Variants in ANKHD1 observed in about 807,000 individuals in gnomAD.
The protein encoded by ANKHD1 is ankyrin repeat and KH domain-containing protein 1.
Under a neutral mutation model 230.5 loss-of-function variants are expected in ANKHD1, and 31 were observed. That is an observed-to-expected ratio of 0.13 (90% confidence interval 0.10 to 0.18). ANKHD1 has a LOEUF of 0.18. Ranked by LOEUF, ANKHD1 falls within the 10% of genes least tolerant of loss-of-function variation. ANKHD1 has a pLI of 1.00. For missense variants in ANKHD1, 2,256 were observed against 3,071.3 expected (o/e 0.73, Z 6.27); for synonymous variants, 1,074 against 1,117.6 (o/e 0.96, Z 0.78).
rs752548959 is a variant in ANKHD1, at chr5:140,529,750, A to C, written c.6804A>C (p.Ala2268=). The part of the protein sequence containing the change: ...LENMHPDNSK[A]PGFRPPSQRV... ...ACATGCACCCTGATAACTCAAAGGCACCTGGCTTCAGACCACCTTCCCAGC... is the reference window on the plus strand; with the variant it reads ...ACATGCACCCTGATAACTCAAAGGCCCCTGGCTTCAGACCACCTTCCCAGC... Residue 2268 remains alanine, a synonymous_variant, in exon 29 of 34, where the codon GCA becomes GCC. Transcript: ENST00000360839. 6.2e-7 allele frequency: 1 copy of C among 1,614,160 alleles called. No individual in the cohort carries two copies. The highest frequency in any genetic ancestry group is 8.5e-7 in the Non-Finnish European group (1 of 1,180,028).
At chr5:140,497,363 T>C in intron 15 of ANKHD1, 85 bp downstream of exon 15, 1 of 1,492,274 alleles carries the variant, frequency 6.7e-7, no homozygotes, top group South Asian at 1.4e-5. Flanking sequence ...ACGTAGACTT[T>C]GTACGTTTCC....
At chr5:140,517,024 T>C (rs1753048897) in intron 24 of ANKHD1, among the ~76,000 whole-genome samples, 1 of 150,778 alleles carries the variant, frequency 6.6e-6, no homozygotes, top group Non-Finnish European at 1.5e-5. Flanking sequence ...GACCCATCAG[T>C]GTGCTGTATT....
chr5:140,517,142 A>G (rs1753060184), intron 24 of ANKHD1, among the ~76,000 whole-genome samples: 1 of 148,030 alleles, frequency 6.8e-6, no homozygotes, highest in East Asian at 2.0e-4. Context: ...TTGCAATCCT[A>G]GCCTCTGATA....
chr5:140,500,106 T>C (rs978338116), intron 15 of ANKHD1, among the ~76,000 whole-genome samples: 2 of 152,124 alleles, frequency 1.3e-5, no homozygotes, highest in African/African-American at 2.4e-5. Flanking sequence ...TGACCTCAAG[T>C]GATCCACCTG....
At chr5:140,428,577 A>G (rs922375463) in intron 1 of ANKHD1, among the ~76,000 whole-genome samples, 1 of 152,146 alleles carries the variant, frequency 6.6e-6, no homozygotes, top group African/African-American at 2.4e-5. Flanking sequence ...GTGAGCCCAG[A>G]TGGCAGCAGT....
At chr5:140,466,762 A>G (rs1278523539) in intron 10 of ANKHD1, among the ~76,000 whole-genome samples, 4 of 152,172 alleles carry the variant, frequency 2.6e-5, no homozygotes, top group Non-Finnish European at 5.9e-5. Context: ...CCTGGCCAAC[A>G]TGGTGAAACC....
At chr5:140,461,847 T>A (rs1016811915) in intron 9 of ANKHD1, among the ~76,000 whole-genome samples, 3 of 152,166 alleles carry the variant, frequency 2.0e-5, no homozygotes, top group Admixed American at 1.3e-4. Context: ...CCAAGCCATT[T>A]TTGTATTTCT....
intron 2 of ANKHD1, among the ~76,000 whole-genome samples, chr5:140,436,551 C>G (rs943347660): frequency 6.6e-5 from 10 of 152,008 alleles, no homozygotes; most frequent in African/African-American, 9.7e-5. Flanking sequence ...TCAAGACCAA[C>G]CTGGGCAACA....
In ANKHD1 at chr5:140,529,275, C is replaced by T; in HGVS notation, c.6329C>T (p.Pro2110Leu). Residue 2110 changes from proline (P) to leucine (L), a missense_variant, in exon 29 of 34, where the codon CCC becomes CTC. By Grantham distance (98) the Pro-to-Leu change is moderately conservative (BLOSUM62 -3). Transcript: ENST00000360839. ...SEPAPLTLTS[P>L]RMVAADNQDT... ...CCTGCTCCATTGACTTTGACATCACCCAGAATGGTTGCTGCTGATAATCAG... is the reference window on the plus strand; with the variant it reads ...CCTGCTCCATTGACTTTGACATCACTCAGAATGGTTGCTGCTGATAATCAG... 6.2e-7 allele frequency: 1 copy of T among 1,614,162 alleles called. No individual in the cohort carries two copies. Among genetic ancestry groups the T allele is most frequent in the Non-Finnish European group, 8.5e-7 (1 of 1,180,030 alleles).
intron 1 of ANKHD1, among the ~76,000 whole-genome samples, chr5:140,433,063 CA>C (rs1231886409): frequency 0.015 from 2,169 of 147,832 alleles, 55 homozygotes; most frequent in African/African-American, 0.05. Context: ...TTCCCCCCCC[CA>C]AAAAAAAAAC....
At chr5:140,465,848 A>G (rs1225801521) in intron 10 of ANKHD1, among the ~76,000 whole-genome samples, 1 of 152,172 alleles carries the variant, frequency 6.6e-6, no homozygotes, top group Non-Finnish European at 1.5e-5. Context: ...ACAGCAATAT[A>G]TGTTAAGTAC....
chr5:140,503,184 CTT>C (rs1156456134), intron 15 of ANKHD1, among the ~76,000 whole-genome samples: 1 of 152,100 alleles, frequency 6.6e-6, no homozygotes, highest in Non-Finnish European at 1.5e-5. Context: ...TTTTGACTGA[CTT>C]TTAATCTGGG....
At position 140,524,224 on chromosome 5, in the gene ANKHD1, G is replaced by T; in HGVS notation, c.4476G>T (p.Glu1492Asp). ...NSELPEDEDE[E>D]ENDEDVEQEV... ...AACTACCAGAGGATGAAGATGAAGA[G>T]GAGAATGATGAAGATGGTGAGAAAC... is the stretch of plus-strand genomic sequence containing the variant. The change falls in exon 25 of 34, where the codon GAG (glutamate) becomes GAT (aspartate). Residue 1492 changes from glutamate to aspartate, a missense_variant. Glu to Asp is a conservative substitution (Grantham distance 45). Around this residue, in one of 13 missense-constraint regions of ANKHD1, gnomAD observed 212 missense variants for 257.3 expected, o/e 0.82. Transcript: ENST00000360839. The T allele has an allele frequency of 6.4e-7, 1 of 1,570,068 alleles. No homozygotes were observed. The highest frequency in any genetic ancestry group is 1.4e-5 in the African/African-American group (1 of 71,826).
At chr5:140,531,100 AG>A (rs1448611515) in intron 29 of ANKHD1, among the ~76,000 whole-genome samples, 1 of 152,208 alleles carries the variant, frequency 6.6e-6, no homozygotes, top group Non-Finnish European at 1.5e-5. Flanking sequence ...ATAGACTTTG[AG>A]AAGCCCCAGG....
intron 24 of ANKHD1, among the ~76,000 whole-genome samples, chr5:140,520,681 A>T (rs1350402795): frequency 6.6e-6 from 1 of 151,292 alleles, no homozygotes; most frequent in African/African-American, 2.4e-5. Context: ...TTGCAAGAAC[A>T]AAAAACCAAA....
At chr5:140,417,138 C>G (rs895323454) in intron 1 of ANKHD1, among the ~76,000 whole-genome samples, 1 of 151,774 alleles carries the variant, frequency 6.6e-6, no homozygotes, top group Non-Finnish European at 1.5e-5. Context: ...GAAATATAAT[C>G]CTTATTTTTT....
chr5:140,518,041 C>T (rs1016035966), intron 24 of ANKHD1, among the ~76,000 whole-genome samples: 5 of 152,024 alleles, frequency 3.3e-5, no homozygotes, highest in African/African-American at 1.2e-4. Context: ...TGATAGACCA[C>T]TAGCAAGACT....
In ANKHD1 at chr5:140,436,228, C is replaced by A; in HGVS notation, c.431C>A (p.Ala144Glu). 1 of 1,591,226 alleles carries A rather than the reference C, an allele frequency of 6.3e-7. No homozygotes were observed. Among genetic ancestry groups the A allele is most frequent in the Admixed American group, 1.8e-5 (1 of 55,190 alleles). Residue 144 changes from alanine (A) to glutamate (E), a missense_variant, in exon 2 of 34, where the codon GCA (alanine) becomes GAA (glutamate). This residue lies in a region of ANKHD1 where 206 missense variants were observed against 304.5 expected (regional missense o/e 0.68). Coordinates refer to ENST00000360839, the MANE Select transcript of ANKHD1 (RefSeq NM_017747.3). ...DLRTVDPETQ[A>E]RLEALLEAAG... ...CGCACTGTGGATCCAGAGACACAGG[C>A]ACGACTAGAAGCATTGCTAGAAGCA... is the stretch of plus-strand genomic sequence containing the variant.
intron 24 of ANKHD1, among the ~76,000 whole-genome samples, chr5:140,521,054 GATATACT>G (rs1434520481): frequency 2.0e-5 from 3 of 151,910 alleles, no homozygotes; most frequent in Admixed American, 6.6e-5. Flanking sequence ...TGACAGTGTT[GATATACT>G]GAGTTTGGAA....
Sources: allele counts gnomAD v4.1 joint callset (sites outside exome capture counted in the v4.1 genomes callset), GRCh38; gene constraint gnomAD v4.1.1; regional missense constraint gnomAD v4.1.1; transcripts MANE v1.5; gene names NCBI Gene and HGNC (gene_info 2026-07-23, HGNC 2026-07-21).